The following MBD5 variants were observed in gnomAD, a reference collection of about 807,000 sequenced individuals.
MBD5 encodes methyl-CpG-binding domain protein 5.
A neutral mutation model predicts 117.3 loss-of-function variants in MBD5; 13 were observed. The observed-to-expected ratio is 0.11, with a 90% CI of 0.07 to 0.18. The LOEUF is 0.18. Ranked by LOEUF, MBD5 falls within the 10% of genes least tolerant of loss-of-function variation. MBD5 has a pLI of 1.00. For missense variants in MBD5, 1,879 were observed against 2,093.8 expected, an observed-to-expected ratio of 0.90 and a Z score of 2.00; for synonymous variants, 727 against 766.4, an observed-to-expected ratio of 0.95 and a Z score of 0.85.
chr2:148,359,746 G>A (rs1703482165), intron 4 of MBD5, among the ~76,000 whole-genome samples: 1 of 152,032 alleles, frequency 6.6e-6, no homozygotes, highest in East Asian at 1.9e-4. Context: ...ATTTAAATGT[G>A]GTTTTTCAAT....
intron 1 of MBD5, among the ~76,000 whole-genome samples, chr2:148,152,660 T>C (rs1441061617): frequency 6.6e-6 from 1 of 152,146 alleles, no homozygotes; most frequent in Non-Finnish European, 1.5e-5. Context: ...TAGTTAGCTC[T>C]TCTTGTTGAA....
chr2:148,032,793 A>G (rs1694076749), intron 1 of MBD5, among the ~76,000 whole-genome samples: 2 of 152,146 alleles, frequency 1.3e-5, no homozygotes, highest in Non-Finnish European at 2.9e-5. Context: ...TTCCCATAGA[A>G]TCATGGTTAC....
intron 1 of MBD5, among the ~76,000 whole-genome samples, chr2:148,161,574 TTGCAG>T (rs1698009823): frequency 6.6e-6 from 1 of 152,212 alleles, no homozygotes; most frequent in Admixed American, 6.5e-5. Flanking sequence ...TTCCTTCACG[TTGCAG>T]TAGGAGTGTA....
chr2:148,239,078 G>A (rs1700155564), intron 3 of MBD5, among the ~76,000 whole-genome samples: 7 of 151,572 alleles, frequency 4.6e-5, no homozygotes, highest in Admixed American at 4.6e-4. Context: ...ATATGTGTGG[G>A]TGTCTGTATA....
At chr2:148,094,011 TATAG>T (rs1696003924) in intron 1 of MBD5, among the ~76,000 whole-genome samples, 1 of 152,200 alleles carries the variant, frequency 6.6e-6, no homozygotes, top group South Asian at 2.1e-4. Flanking sequence ...TGTTCTCTTT[TATAG>T]ATAAAGAAAC....
intron 2 of MBD5, among the ~76,000 whole-genome samples, chr2:148,202,323 T>C (rs1285522067): frequency 3.3e-5 from 5 of 152,180 alleles, no homozygotes; most frequent in Non-Finnish European, 5.9e-5. Context: ...AGGGAGGCCT[T>C]CCCTGAGGTA....
At chr2:148,261,007 A>G (rs1558995496) in intron 3 of MBD5, among the ~76,000 whole-genome samples, 1 of 152,100 alleles carries the variant, frequency 6.6e-6, no homozygotes, top group African/African-American at 2.4e-5. Flanking sequence ...TGAAAGGAGT[A>G]TTTTTTTCTG....
At chr2:148,309,941 A>G (rs968325560) in intron 3 of MBD5, among the ~76,000 whole-genome samples, 7 of 152,220 alleles carry the variant, frequency 4.6e-5, no homozygotes, top group African/African-American at 1.7e-4. Context: ...TAAGTGATGG[A>G]TTATGTTTAT....
At chr2:148,234,710 A>T (rs951023530) in intron 3 of MBD5, among the ~76,000 whole-genome samples, 2 of 152,204 alleles carry the variant, frequency 1.3e-5, no homozygotes, top group African/African-American at 4.8e-5. Context: ...CTTCAAAGAA[A>T]TAGATTCCAC....
At chr2:148,382,625 T>A (rs1574359671) in intron 4 of MBD5, among the ~76,000 whole-genome samples, 1 of 152,136 alleles carries the variant, frequency 6.6e-6, no homozygotes, top group East Asian at 1.9e-4. Flanking sequence ...TCTACAGAAC[T>A]CTCCACCCCA....
At chr2:148,502,653 T>C in intron 12 of MBD5, 144 bp downstream of exon 12, 1 of 765,778 alleles carries the variant, frequency 1.3e-6, no homozygotes, top group Non-Finnish European at 2.3e-6. Context: ...AGGACCATTA[T>C]AGACAAGCCA....
Position 148,470,052 on chromosome 2 carries a change from G to A in MBD5, c.2109G>A (p.Gln703=), listed in dbSNP as rs767521281. The change falls in exon 8 of 14, where the codon CAG becomes CAA. Residue 703 remains glutamine, a synonymous_variant. Transcript: ENST00000642680. ...QGSFPISSMS[Q]LLQSMSCQSS... ...CATTTCCCATCAGTTCAATGTCTCA[G>A]TTACTACAGTCTATGAGTTGTCAAA... 1.2e-6 allele frequency: 2 copies of A among 1,613,902 alleles called. No homozygotes were observed. Among genetic ancestry groups the A allele is most frequent in the South Asian group, 1.1e-5 (1 of 91,074 alleles).
intron 1 of MBD5, among the ~76,000 whole-genome samples, chr2:148,114,299 G>A (rs1206856735): frequency 2.6e-5 from 4 of 151,998 alleles, no homozygotes; most frequent in African/African-American, 4.8e-5. Context: ...GTGAAAGTCC[G>A]TCTCTACTAA....
intron 3 of MBD5, among the ~76,000 whole-genome samples, chr2:148,270,187 C>T (rs1700950471): frequency 6.6e-6 from 1 of 152,034 alleles, no homozygotes; most frequent in Admixed American, 6.6e-5. Flanking sequence ...TAGGAAAGCT[C>T]TGATTTCTCT....
At chr2:148,329,267 C>T (rs759736187) in intron 3 of MBD5, among the ~76,000 whole-genome samples, 9 of 152,034 alleles carry the variant, frequency 5.9e-5, no homozygotes, top group Non-Finnish European at 8.8e-5. Context: ...TCTCCTTTAG[C>T]CAGAAAGAAA....
intron 4 of MBD5, among the ~76,000 whole-genome samples, chr2:148,380,728 G>T (rs1704114243): frequency 1.3e-5 from 2 of 152,144 alleles, no homozygotes; most frequent in Admixed American, 1.3e-4. Context: ...CCCAGTAGGG[G>T]CGGACTGACA....
intron 4 of MBD5, among the ~76,000 whole-genome samples, chr2:148,452,339 A>G (rs1006973659): frequency 5.3e-5 from 8 of 152,102 alleles, no homozygotes; most frequent in Non-Finnish European, 7.4e-5. Flanking sequence ...TCCACAAAAA[A>G]TAAATCAAAA....
chr2:148,296,824 T>G (rs1270852785), intron 3 of MBD5: 1 of 150,704 alleles, frequency 6.6e-6, no homozygotes. Flanking sequence ...TAATCATACT[T>G]TCCTTTTGTT....
At chr2:148,494,769 G>A (rs1681645595) in intron 11 of MBD5, among the ~76,000 whole-genome samples, 1 of 152,146 alleles carries the variant, frequency 6.6e-6, no homozygotes, top group Non-Finnish European at 1.5e-5. Context: ...AGACCATCCT[G>A]GCTGACACGG....
Sources: gnomAD v4.1 joint callset for allele counts (sites outside exome capture counted in the v4.1 genomes callset) on GRCh38, gnomAD v4.1.1 for gene constraint, MANE v1.5 for transcripts, NCBI Gene and HGNC (gene_info 2026-07-23, HGNC 2026-07-21) for gene names.